Variants in CD38 observed in about 807,000 individuals in gnomAD.
CD38 encodes ADP-ribosyl cyclase/cyclic ADP-ribose hydrolase 1.
In CD38, 31 loss-of-function variants were observed where a neutral mutation model predicts 36.3. The observed-to-expected ratio is 0.85, with a 90% CI of 0.64 to 1.15. The LOEUF is 1.15. Among genes scored for constraint, CD38 ranks in the 50% most tolerant of loss-of-function variants. CD38 has a pLI of 0.00. For synonymous variants in CD38, 131 were observed against 135.2 expected, an observed-to-expected ratio of 0.97 and a Z score of 0.22; for missense variants, 380 against 371.9, an observed-to-expected ratio of 1.02 and a Z score of -0.18.
chr4:15,801,529 ATGGAAAG>A (rs1723222718), intron 1 of CD38, among the ~76,000 whole-genome samples: 1 of 152,156 alleles, frequency 6.6e-6, no homozygotes, highest in Admixed American at 6.6e-5. Context: ...ATGAACATAA[ATGGAAAG>A]TTCCTCAACA....
chr4:15,834,297 C>T lies in CD38; in HGVS notation c.580C>T (p.Arg194Cys), dbSNP rs200389163. 240 of 1,605,448 alleles carry T rather than the reference C, an allele frequency of 1.5e-4. No individual in the cohort carries two copies. Among genetic ancestry groups the T allele is most frequent in the Non-Finnish European group, 1.8e-4 (209 of 1,172,042 alleles). ...PVSVFWKTVS[R>C]RFAEAACDVV... ...TTCAGTATTCTGGAAAACGGTTTCCCGCAGGGTAAGTACCAAGTAGTGAAA... is the reference window on the plus strand; with the variant it reads ...TTCAGTATTCTGGAAAACGGTTTCCTGCAGGGTAAGTACCAAGTAGTGAAA... Residue 194 changes from arginine to cysteine, a missense_variant, in exon 4 of 8, where the codon CGC becomes TGC. By Grantham distance (180) the Arg-to-Cys change is radical. Transcript: ENST00000226279.
At chr4:15,780,528 A>ACG (rs10545816) in intron 1 of CD38, among the ~76,000 whole-genome samples, 9,796 of 144,192 alleles carry the variant, frequency 0.068, 892 homozygotes, top group African/African-American at 0.2. Context: ...TCACACACAC[A>ACG]CACACACACA....
intron 1 of CD38, among the ~76,000 whole-genome samples, chr4:15,782,053 G>A (rs1446379925): frequency 6.6e-6 from 1 of 152,132 alleles, no homozygotes; most frequent in Non-Finnish European, 1.5e-5. Context: ...GGCTCAGCTG[G>A]GCTGGTCAGG....
intron 1 of CD38, among the ~76,000 whole-genome samples, chr4:15,794,501 G>A (rs1283058900): frequency 2.0e-5 from 3 of 152,192 alleles, no homozygotes; most frequent in African/African-American, 7.2e-5. Flanking sequence ...GAAAGAGGGG[G>A]TATAATCAGC....
At chr4:15,839,564 C>T (rs1724156018) in intron 5 of CD38, among the ~76,000 whole-genome samples, 1 of 151,676 alleles carries the variant, frequency 6.6e-6, no homozygotes, top group Non-Finnish European at 1.5e-5. Context: ...ACTGGGACTA[C>T]AGGCACCCAC....
rs1175468057 is a variant in CD38 at position 15,849,222 on chromosome 4, T to C, written c.*620T>C. ...AATGGGAGCTCAGAGAGGTTATATA[T>C]TTAAGTTGGTGCAAAAGTAATTGCA... On this transcript the variant is annotated 3_prime_UTR_variant, in exon 8 of 8. Coordinates refer to ENST00000226279, the MANE Select transcript of CD38 (RefSeq NM_001775.4). The C allele has an allele frequency of 6.6e-6, 1 of 152,188 alleles. No individual in the cohort carries two copies. Among genetic ancestry groups the C allele is most frequent in the African/African-American group, 2.4e-5 (1 of 41,462 alleles). 9.4% of individuals were successfully genotyped at this position (152,188 alleles called of 1,614,324 possible).
intron 2 of CD38, among the ~76,000 whole-genome samples, chr4:15,822,326 T>C (rs1723755185): frequency 6.6e-6 from 1 of 152,152 alleles, no homozygotes; most frequent in Non-Finnish European, 1.5e-5. Flanking sequence ...CAACATAGTA[T>C]TGGATGTTCT....
Position 15,834,255 on chromosome 4 carries a change from T to G in CD38, c.538T>G (p.Cys180Gly). The change falls in exon 4 of 8, where the codon TGC becomes GGC. Residue 180 changes from cysteine (C) to glycine (G), a missense_variant. By Grantham distance (159) the Cys-to-Gly change is radical. Coordinates refer to ENST00000226279, the MANE Select transcript of CD38 (RefSeq NM_001775.4). ...ATCTTGCCCAGACTGGAGAAAGGAC[T>G]GCAGCAACAACCCTGTTTCAGTATT... ...YQSCPDWRKD[C>G]SNNPVSVFWK... 1.2e-6 allele frequency: 2 copies of G among 1,613,186 alleles called. No individual in the cohort carries two copies. The highest frequency in any genetic ancestry group is 1.7e-6 in the Non-Finnish European group (2 of 1,179,070).
At chr4:15,837,279 A>G (rs1724086975) in intron 4 of CD38, among the ~76,000 whole-genome samples, 1 of 152,128 alleles carries the variant, frequency 6.6e-6, no homozygotes, top group South Asian at 2.1e-4. Flanking sequence ...TCACTCATGG[A>G]TGTATGTGGA....
At chr4:15,779,453 G>T (rs1296801200) in intron 1 of CD38, among the ~76,000 whole-genome samples, 1 of 152,108 alleles carries the variant, frequency 6.6e-6, no homozygotes, top group Non-Finnish European at 1.5e-5. Flanking sequence ...CCCAGGCCTC[G>T]CTTTCACCGG....
chr4:15,847,722 A>G (rs932822071), intron 7 of CD38, among the ~76,000 whole-genome samples: 13 of 151,552 alleles, frequency 8.6e-5, no homozygotes, highest in Admixed American at 2.0e-4. Context: ...GGAAATAAAG[A>G]TGGTCTTATC....
chr4:15,840,996 C>T (rs1267637469), intron 7 of CD38, among the ~76,000 whole-genome samples: 1 of 151,706 alleles, frequency 6.6e-6, no homozygotes, highest in African/African-American at 2.4e-5. Flanking sequence ...TAACACATGA[C>T]AAGGCGTCAC....
At chr4:15,832,994 C>T (rs562454508) in intron 3 of CD38, among the ~76,000 whole-genome samples, 10 of 152,366 alleles carry the variant, frequency 6.6e-5, no homozygotes, top group Admixed American at 5.9e-4. Context: ...AGGAGCCTCA[C>T]CTCATGGCCA....
Position 15,838,081 on chromosome 4 carries a change from T to C in CD38, c.586-11T>C. On this transcript the variant is annotated splice_polypyrimidine_tract_variant and intron_variant, in intron 4 of 7. Coordinates refer to ENST00000226279, the MANE Select transcript of CD38 (RefSeq NM_001775.4). ...TTTGCATGATGAATGGTGGGCATTT[T>C]TTTTTTTAAGTTTGCAGAAGCTGCC... 2 of 1,611,342 alleles carry C rather than the reference T, an allele frequency of 1.2e-6. No individual in the cohort carries two copies. The highest frequency in any genetic ancestry group is 8.5e-7 in the Non-Finnish European group (1 of 1,178,526).
At chr4:15,790,102 C>CCACTCT in intron 1 of CD38, among the ~76,000 whole-genome samples, 1 of 139,716 alleles carries the variant, frequency 7.2e-6, no homozygotes, top group South Asian at 2.4e-4. Flanking sequence ...AAGCAGCAAG[C>CCACTCT]CGCTCTCCCT....
At chr4:15,816,481 TTA>T in intron 1 of CD38, 28 bp from the exon 2 acceptor site, 2 of 1,536,548 alleles carry the variant, frequency 1.3e-6, no homozygotes, top group Middle Eastern at 3.5e-4. Flanking sequence ...ATCAAATAAT[TTA>T]TGTTTTATTT....
At chr4:15,834,164 C>A in intron 3 of CD38, 53 bp from the exon 4 acceptor site, 1 of 1,162,820 alleles carries the variant, frequency 8.6e-7, no homozygotes, top group Non-Finnish European at 1.3e-6. Flanking sequence ...AAGAGTACAG[C>A]TTATTTATAC....
chr4:15,799,245 A>G (rs374658669), intron 1 of CD38, among the ~76,000 whole-genome samples: 6 of 152,274 alleles, frequency 3.9e-5, no homozygotes, highest in African/African-American at 1.4e-4. Context: ...CAGTTGTGTA[A>G]GTGCTGTTTA....
chr4:15,815,085 G>T (rs1383447619), intron 1 of CD38, among the ~76,000 whole-genome samples: 1 of 152,080 alleles, frequency 6.6e-6, no homozygotes, highest in African/African-American at 2.4e-5. Context: ...GATTACAGGC[G>T]TGAGCCACCG....
Sources: gnomAD v4.1 joint callset for allele counts (sites outside exome capture counted in the v4.1 genomes callset) on GRCh38, gnomAD v4.1.1 for gene constraint, MANE v1.5 for transcripts, NCBI Gene and HGNC (gene_info 2026-07-23, HGNC 2026-07-21) for gene names.